Variants in ANKFY1 observed in about 807,000 individuals in gnomAD.
ANKFY1 encodes ankyrin repeat and FYVE domain containing 1.
Under a neutral mutation model 128.3 loss-of-function variants are expected in ANKFY1, and 47 were observed. The observed-to-expected ratio is 0.37, with a 90% CI of 0.29 to 0.47. ANKFY1 has a LOEUF of 0.47. Ranked by LOEUF, ANKFY1 falls within the 20% of genes least tolerant of loss-of-function variation. The pLI, the probability that ANKFY1 is intolerant of heterozygous loss-of-function variation, is 1.00. For missense variants in ANKFY1, 1,222 were observed against 1,510.6 expected (o/e 0.81, Z 3.17); for synonymous variants, 553 against 601.6 (o/e 0.92, Z 1.18).
chr17:4,194,996 C>T lies in ANKFY1; in HGVS notation c.1354G>A (p.Ala452Thr), dbSNP rs147745463. ...RLIQRGSHTD[A>T]PDTATGNCLL... Reference sequence around the variant, plus strand: ...GCTTTACCTGTCGCCGTGTCAGGTGCGTCTGTGTGGCTGCCGCGCTGGATG... The same window carrying T: ...GCTTTACCTGTCGCCGTGTCAGGTGTGTCTGTGTGGCTGCCGCGCTGGATG... Residue 452 changes from alanine to threonine, a missense_variant, in exon 10 of 25, where the codon GCA (alanine) becomes ACA (threonine). Ala to Thr is a moderately conservative substitution (Grantham distance 58). Coordinates refer to ENST00000341657, the MANE Select transcript of ANKFY1 (RefSeq NM_001330063.2). 3.1e-6 allele frequency: 5 copies of T among 1,614,182 alleles called. No homozygotes were observed. Among genetic ancestry groups the T allele is most frequent in the Middle Eastern group, 1.7e-4 (1 of 6,054 alleles).
chr17:4,223,353 A>G (rs755180046), intron 3 of ANKFY1: 160 of 1,579,252 alleles, frequency 1.0e-4, no homozygotes, highest in Non-Finnish European at 1.4e-4. Context: ...GACCTGGTAC[A>G]CATGGCTATT....
intron 1 of ANKFY1, among the ~76,000 whole-genome samples, chr17:4,255,096 A>C (rs569993594): frequency 3.3e-5 from 5 of 151,472 alleles, no homozygotes; most frequent in African/African-American, 1.2e-4. Flanking sequence ...AATGCACTCT[A>C]CTCCCCTCCA....
intron 3 of ANKFY1, among the ~76,000 whole-genome samples, chr17:4,221,639 G>C (rs1555633859): frequency 6.6e-6 from 1 of 151,906 alleles, no homozygotes; most frequent in African/African-American, 2.4e-5. Context: ...TTTTATTTGG[G>C]TCAGAGTCTC....
chr17:4,185,347 A>G (rs1014873809), intron 11 of ANKFY1, among the ~76,000 whole-genome samples: 2 of 152,106 alleles, frequency 1.3e-5, no homozygotes, highest in African/African-American at 2.4e-5. Context: ...CTGGGATTAC[A>G]GGCACGCACC....
intron 4 of ANKFY1, among the ~76,000 whole-genome samples, chr17:4,215,287 T>TAAAA (rs11422192): frequency 1.6e-5 from 2 of 129,012 alleles, no homozygotes; most frequent in Non-Finnish European, 3.2e-5. Context: ...GGCTGTCTTC[T>TAAAA]AAAAAAAAAA....
At position 4,169,337 on chromosome 17, in the gene ANKFY1, C is replaced by G; in HGVS notation, c.3287-49G>C. 1 of 1,435,066 alleles carries G rather than the reference C, an allele frequency of 7.0e-7. No individual in the cohort carries two copies. Among genetic ancestry groups the G allele is most frequent in the Non-Finnish European group, 9.6e-7 (1 of 1,045,602 alleles). 88.9% of individuals were successfully genotyped at this position (1,435,066 alleles called of 1,614,324 possible). A position where few individuals can be genotyped will look rare whatever the true frequency, so the allele number is the denominator to read the frequency against. On this transcript the variant is annotated intron_variant, in intron 23 of 24. Transcript: ENST00000341657. This position sits in a 1 kb window ranked among gnomAD's most constrained non-coding sequence, Gnocchi z 5.0. ...GTCCCGTCAAACCGCGACGGCGCCA[C>G]GCAAGCCCCAGGGCTTGGAGGCAGC...
In ANKFY1 at chr17:4,184,913, G is replaced by C. The variant is rs199874751; in HGVS notation, c.1604C>G (p.Thr535Ser). 44 of 1,614,002 alleles carry C rather than the reference G, an allele frequency of 2.7e-5. No individual in the cohort carries two copies. Among genetic ancestry groups the C allele is most frequent in the Middle Eastern group, 3.3e-4 (2 of 6,084 alleles). Residue 535 changes from threonine to serine, a missense_variant, in exon 12 of 25, where the codon ACC becomes AGC. By Grantham distance (58) the Thr-to-Ser change is moderately conservative. Transcript: ENST00000341657. ...CAGATGGACGCTGTCCGCCAAGCTG[G>C]TCAGGGATGCGGCCTCCTTTGGCAG... The part of the protein sequence containing the change: ...LPLPKEAASL[T>S]SLADSVHLQT...
chr17:4,222,886 C>T, intron 3 of ANKFY1: 3 of 1,003,280 alleles, frequency 3.0e-6, no homozygotes, highest in Non-Finnish European at 4.8e-6. Context: ...GCTGACACAC[C>T]CAACAATCCA....
At chr17:4,182,881 A>G (rs925254857) in intron 14 of ANKFY1, among the ~76,000 whole-genome samples, 2 of 152,060 alleles carry the variant, frequency 1.3e-5, no homozygotes, top group African/African-American at 4.8e-5. Flanking sequence ...CGAGGCAGGC[A>G]GATCACTTGA....
At chr17:4,222,060 G>GCC (rs1441581127) in intron 3 of ANKFY1, 2 of 151,898 alleles carry the variant, frequency 1.3e-5, no homozygotes, top group Non-Finnish European at 2.9e-5. Flanking sequence ...TTGGGCAGCC[G>GCC]CCCTAGGCTC....
chr17:4,192,891 T>G, intron 10 of ANKFY1, among the ~76,000 whole-genome samples: 1 of 151,892 alleles, frequency 6.6e-6, no homozygotes, highest in East Asian at 1.9e-4. Context: ...AATTAAAAAT[T>G]AAAAAAACTA....
intron 1 of ANKFY1, among the ~76,000 whole-genome samples, chr17:4,254,508 G>A (rs1169702616): frequency 6.6e-6 from 1 of 152,138 alleles, no homozygotes; most frequent in Non-Finnish European, 1.5e-5. Flanking sequence ...AGAGCCTCCA[G>A]AGGGAATAGG....
intron 1 of ANKFY1, among the ~76,000 whole-genome samples, chr17:4,260,350 C>T (rs968678057): frequency 6.6e-6 from 1 of 152,078 alleles, no homozygotes; most frequent in Non-Finnish European, 1.5e-5. Context: ...GGAGCGGTGG[C>T]TCACACCTGT....
In ANKFY1 at chr17:4,170,965, G is replaced by A. The variant is rs1171938057; in HGVS notation, c.3140-104C>T. 6.5e-6 allele frequency: 10 copies of A among 1,546,812 alleles called. No individual in the cohort carries two copies. In the East Asian group the frequency reaches 1.8e-4, roughly 28 times the overall value. On this transcript the variant is annotated intron_variant, in intron 22 of 24. Coordinates refer to ENST00000341657, the MANE Select transcript of ANKFY1 (RefSeq NM_001330063.2). Reference sequence around the variant, plus strand: ...CAAGGGCAGAACAGACCGCTGGCAGGAAATCTGTTCACAAAGTCCCCACAG... The same window carrying A: ...CAAGGGCAGAACAGACCGCTGGCAGAAAATCTGTTCACAAAGTCCCCACAG...
chr17:4,210,996 C>T (rs1056725440), intron 4 of ANKFY1, among the ~76,000 whole-genome samples: 1 of 151,934 alleles, frequency 6.6e-6, no homozygotes, highest in Non-Finnish European at 1.5e-5. Context: ...TACGCCACTG[C>T]ACTCCAGCCT....
rs752523700 is a variant in ANKFY1 at position 4,184,792 on chromosome 17, G to T, written c.1699+26C>A. The T allele has an allele frequency of 9.4e-6, 15 of 1,600,326 alleles. No homozygotes were observed. The South Asian group carries it at 1.4e-4, about 15-fold the overall frequency. On this transcript the variant is annotated intron_variant, in intron 12 of 24. Transcript: ENST00000341657. ...TAAACTGCTGTCCCCAAGTCAAAAG[G>T]ATGGACAGTATTCCCACTTACTTAC...
chr17:4,201,144 C>CTCAGCCTCAAGAAATCCTCCTGA (rs1567937649), intron 7 of ANKFY1, among the ~76,000 whole-genome samples: 1 of 151,990 alleles, frequency 6.6e-6, no homozygotes, highest in Non-Finnish European at 1.5e-5. Flanking sequence ...AATCCTCCTG[C>CTCAGCCTCAAGAAATCCTCCTGA]CTCAGCCTCC....
chr17:4,165,588 A>C lies in ANKFY1; in HGVS notation c.*2191T>G, dbSNP rs1162523047. The C allele has an allele frequency of 6.6e-6, 1 of 152,198 alleles. No individual in the cohort carries two copies. Among genetic ancestry groups the C allele is most frequent in the South Asian group, 2.1e-4 (1 of 4,828 alleles). The allele number at this position is 152,198 out of a possible 1,614,324, so 9.4% of individuals were successfully genotyped here. A position where few individuals can be genotyped will look rare whatever the true frequency, so the allele number is the denominator to read the frequency against. ...AAGTCTGTGGAAAGAGGCTTTTCCT[A>C]TATCCACATGGATGCGCCCTGAAGC... On this transcript the variant is annotated 3_prime_UTR_variant, in exon 25 of 25. Coordinates refer to ENST00000341657, the MANE Select transcript of ANKFY1 (RefSeq NM_001330063.2).
intron 6 of ANKFY1, among the ~76,000 whole-genome samples, 195 bp downstream of exon 6, chr17:4,207,738 A>C (rs2060051596): frequency 6.6e-6 from 1 of 152,180 alleles, no homozygotes; most frequent in African/African-American, 2.4e-5. Context: ...TAAATTGGGC[A>C]ATGGGCTAAG....
Sources: allele counts gnomAD v4.1 joint callset (sites outside exome capture counted in the v4.1 genomes callset), GRCh38; gene constraint gnomAD v4.1.1; non-coding constraint Gnocchi (gnomAD v3.1); transcripts MANE v1.5; gene names NCBI Gene and HGNC (gene_info 2026-07-23, HGNC 2026-07-21).